SLC44A1: variants seen among roughly 807,000 people sequenced by gnomAD.
The protein encoded by SLC44A1 is choline transporter-like protein 1.
A neutral mutation model predicts 79.3 loss-of-function variants in SLC44A1; 26 were observed. The ratio of observed to expected loss-of-function variants is 0.33; its 90% CI spans 0.24 to 0.46. SLC44A1 has a LOEUF of 0.46. Ranked by LOEUF, SLC44A1 falls within the 20% of genes least tolerant of loss-of-function variation. The pLI is 1.00. For missense variants in SLC44A1, 688 were observed against 798.1 expected (o/e 0.86, Z 1.66); for synonymous variants, 263 against 286.2 (o/e 0.92, Z 0.82).
At chr9:105,330,415 G>A (rs1826713564) in intron 3 of SLC44A1, among the ~76,000 whole-genome samples, 1 of 152,228 alleles carries the variant, frequency 6.6e-6, no homozygotes, top group Admixed American at 6.5e-5. Flanking sequence ...GTGACTCAAA[G>A]TAAATTATTG....
intron 15 of SLC44A1, among the ~76,000 whole-genome samples, chr9:105,412,073 C>T (rs145308578): frequency 5.3e-5 from 8 of 152,280 alleles, no homozygotes; most frequent in African/African-American, 1.7e-4. Context: ...CTAATTTCAT[C>T]ATTCTTCCTA....
chr9:105,369,596 G>A (rs1420374917), intron 12 of SLC44A1, among the ~76,000 whole-genome samples: 2 of 152,214 alleles, frequency 1.3e-5, no homozygotes, highest in South Asian at 2.1e-4. Context: ...AATAAGAAAG[G>A]AATAATTGTA....
intron 6 of SLC44A1, chr9:105,357,298 T>C (rs1170925700): frequency 6.6e-6 from 1 of 152,192 alleles, no homozygotes; most frequent in Non-Finnish European, 1.5e-5. Context: ...ATCCCAACCA[T>C]TTATTTGGCT....
Position 105,383,200 on chromosome 9 carries a change from G to A in SLC44A1, c.1710G>A (p.Leu570=), listed in dbSNP as rs201313689. 1.2e-5 allele frequency: 20 copies of A among 1,614,150 alleles called. No individual in the cohort carries two copies. In the East Asian group the frequency reaches 4.5e-4, roughly 36 times the overall value. Residue 570 remains leucine (L), a synonymous_variant, in exon 14 of 16, where the codon CTG becomes CTA. Coordinates refer to ENST00000374720, the MANE Select transcript of SLC44A1 (RefSeq NM_080546.5). ...AGCAGGACTACACAGTATGGGTGCT[G>A]CCTCTGATCATCGTCTGCCTCTTTG... is the stretch of plus-strand genomic sequence containing the variant. ...NYQQDYTVWV[L]PLIIVCLFAF... is the part of the protein sequence containing the mutation.
At chr9:105,313,110 C>G (rs1333475756) in intron 3 of SLC44A1, among the ~76,000 whole-genome samples, 1 of 152,152 alleles carries the variant, frequency 6.6e-6, no homozygotes, top group Non-Finnish European at 1.5e-5. Context: ...TTCCTTCTAC[C>G]TTTCTGCCAG....
intron 4 of SLC44A1, among the ~76,000 whole-genome samples, chr9:105,343,354 A>G (rs1014176770): frequency 2.0e-5 from 3 of 152,184 alleles, no homozygotes; most frequent in African/African-American, 7.2e-5. Context: ...CTGTTTAGCC[A>G]TTAAAAACTT....
intron 1 of SLC44A1, among the ~76,000 whole-genome samples, chr9:105,279,374 A>G (rs1564411334): frequency 6.7e-6 from 1 of 149,678 alleles, no homozygotes; most frequent in Non-Finnish European, 1.5e-5. Flanking sequence ...CTGGGGTGCA[A>G]TGGCACAATT....
chr9:105,310,485 T>G (rs898684599), intron 3 of SLC44A1, among the ~76,000 whole-genome samples: 6 of 152,198 alleles, frequency 3.9e-5, no homozygotes, highest in Non-Finnish European at 7.4e-5. Flanking sequence ...GCATATTTTA[T>G]GTATGATGCT....
At chr9:105,270,872 GTTTC>G (rs1036931146) in intron 1 of SLC44A1, among the ~76,000 whole-genome samples, 5 of 152,184 alleles carry the variant, frequency 3.3e-5, no homozygotes, top group Non-Finnish European at 5.9e-5. Flanking sequence ...AACTTACATT[GTTTC>G]TTTCTACCTC....
chr9:105,356,593 T>C (rs1827630658), intron 6 of SLC44A1, among the ~76,000 whole-genome samples: 2 of 152,194 alleles, frequency 1.3e-5, no homozygotes, highest in African/African-American at 2.4e-5. Flanking sequence ...TTTTCTTTCA[T>C]TGGAGAAAAC....
chr9:105,270,420 A>G (rs922381863), intron 1 of SLC44A1, among the ~76,000 whole-genome samples: 8 of 152,252 alleles, frequency 5.3e-5, no homozygotes, highest in Admixed American at 4.6e-4. Flanking sequence ...CAGACTCCAC[A>G]TCCTCTCCCC....
chr9:105,316,948 T>C (rs978153807), intron 3 of SLC44A1, among the ~76,000 whole-genome samples: 1 of 152,230 alleles, frequency 6.6e-6, no homozygotes, highest in Non-Finnish European at 1.5e-5. Flanking sequence ...GTGCACAGCA[T>C]GGCTTAGCTG....
intron 5 of SLC44A1, among the ~76,000 whole-genome samples, chr9:105,349,946 G>A (rs1827354334): frequency 6.6e-6 from 1 of 152,082 alleles, no homozygotes; most frequent in Admixed American, 6.5e-5. Flanking sequence ...CCTGTTCCTG[G>A]TTATTTTGGG....
chr9:105,425,679 C>T lies in SLC44A1; in HGVS notation c.1951-12602C>T, dbSNP rs562003578. On this transcript the variant is annotated intron_variant, in intron 15 of 15. Transcript: ENST00000374724. ...CTCTACTAAAAATACAAAAATTAGCCGGGCGTGATGGCGGGTGCCTGTAAT... is the reference window on the plus strand; with the variant it reads ...CTCTACTAAAAATACAAAAATTAGCTGGGCGTGATGGCGGGTGCCTGTAAT... Among the ~76,000 whole-genome samples the T allele has an allele frequency of 3.0e-4, 46 of 152,160 alleles. 1 individual carries two copies. The highest frequency in any genetic ancestry group is 1.1e-3 in the African/African-American group (45 of 41,520).
chr9:105,409,886 A>G (rs1829073952), intron 15 of SLC44A1, among the ~76,000 whole-genome samples: 1 of 152,246 alleles, frequency 6.6e-6, no homozygotes, highest in African/African-American at 2.4e-5. Context: ...ACATCTGTAG[A>G]GCACTTTATT....
At chr9:105,322,509 A>G (rs955234502) in intron 3 of SLC44A1, among the ~76,000 whole-genome samples, 28 of 152,226 alleles carry the variant, frequency 1.8e-4, no homozygotes, top group African/African-American at 6.5e-4. Context: ...TCGTGTATCT[A>G]TGGTTGTCAT....
At position 105,390,823 on chromosome 9, in the gene SLC44A1, G is replaced by C; in HGVS notation, c.*1767G>C. ...CAATTAAGAGCTCATGTCTTAGCAA[G>C]ATCTGGGAAACCAACATTGCGAGAG... On this transcript the variant is annotated 3_prime_UTR_variant, in exon 16 of 16. Transcript: ENST00000374720. The C allele has an allele frequency of 1.0e-6, 1 of 985,636 alleles. No homozygotes were observed. Among genetic ancestry groups the C allele is most frequent in the South Asian group, 4.7e-5 (1 of 21,278 alleles). 61.1% of individuals were successfully genotyped at this position (985,636 alleles called of 1,614,324 possible). A position where few individuals can be genotyped will look rare whatever the true frequency, so the allele number is the denominator to read the frequency against.
chr9:105,297,266 T>C (rs907963522), intron 1 of SLC44A1, among the ~76,000 whole-genome samples: 4 of 152,230 alleles, frequency 2.6e-5, no homozygotes, highest in African/African-American at 9.7e-5. Context: ...GAAATTGTTT[T>C]AACTCCAATT....
intron 15 of SLC44A1, among the ~76,000 whole-genome samples, chr9:105,423,263 A>G (rs1158292614): frequency 6.6e-6 from 1 of 152,176 alleles, no homozygotes; most frequent in Non-Finnish European, 1.5e-5. Context: ...CAGGAGTTCG[A>G]GATCAGCCTG....
Sources: gnomAD v4.1 joint callset for allele counts (sites outside exome capture counted in the v4.1 genomes callset) on GRCh38, gnomAD v4.1.1 for gene constraint, MANE v1.5 for transcripts, NCBI Gene and HGNC (gene_info 2026-07-23, HGNC 2026-07-21) for gene names.